SMARCC2: variants seen among roughly 807,000 people sequenced by gnomAD.
SMARCC2 encodes the protein SWI/SNF related BAF chromatin remodeling complex subunit C2, also known as SWI/SNF complex subunit SMARCC2.
A neutral mutation model predicts 151.3 loss-of-function variants in SMARCC2; 15 were observed. That is an observed-to-expected ratio of 0.10 (90% CI 0.07 to 0.15). SMARCC2 has a LOEUF of 0.15. Among genes scored for constraint, SMARCC2 ranks in the 10% least tolerant of loss-of-function variants. SMARCC2 has a pLI of 1.00. For missense variants in SMARCC2, 1,031 were observed against 1,599.7 expected (o/e 0.64, Z 6.06); for synonymous variants, 590 against 609.5 (o/e 0.97, Z 0.47).
rs111541762 is a variant in SMARCC2, at chr12:56,184,100, C to G, written c.562+75G>C. The stretch of plus-strand genomic sequence containing the variant: ...TGAAAGAAGAGGAGGAGCCCAGGTA[C>G]TGAATGGTGATCTTAGTCCTCTGCC... On this transcript the variant is annotated intron_variant, in intron 6 of 28. Transcript: ENST00000550164. 1.7e-3 allele frequency: 1,991 copies of G among 1,194,086 alleles called. 32 individuals carry two copies. In the African/African-American group the frequency reaches 0.027, roughly 16 times the overall value. The allele number at this position is 1,194,086 out of a possible 1,614,324, so 74.0% of individuals were successfully genotyped here.
chr12:56,164,594 C>CAGGAGGAGG lies in SMARCC2; in HGVS notation c.3361_3369dup (p.Pro1121_Pro1123dup). On this transcript the variant is annotated inframe_insertion, in exon 28 of 29. Coordinates refer to ENST00000550164, the MANE Select transcript of SMARCC2 (RefSeq NM_001330288.2). ...CTACCAAATGGGATGATGGATGGAG[C>CAGGAGGAGG]AGGAGGAGGAGGAGGAGGCGGCATG... The CAGGAGGAGG allele has an allele frequency of 6.2e-7, 1 of 1,612,750 alleles. No individual in the cohort carries two copies. The highest frequency in any genetic ancestry group is 8.5e-7 in the Non-Finnish European group (1 of 1,179,224).
intron 5 of SMARCC2, chr12:56,184,633 C>T: frequency 1.7e-6 from 1 of 579,890 alleles, no homozygotes; most frequent in East Asian, 2.9e-5. Flanking sequence ...AACATAGTCT[C>T]TAGAACAGTA....
In SMARCC2 at chr12:56,186,257, C is replaced by G. The variant is rs765495990; in HGVS notation, c.232-17G>C. ...ACATTTGATCTACAAAATCAAGATA[C>G]GGAAAAAGCATGTCAAGGTTCCACT... On this transcript the variant is annotated splice_polypyrimidine_tract_variant and intron_variant, in intron 2 of 28. Coordinates refer to ENST00000550164, the MANE Select transcript of SMARCC2 (RefSeq NM_001330288.2). 6.6e-7 allele frequency: 1 copy of G among 1,522,760 alleles called. No homozygotes were observed. Among genetic ancestry groups the G allele is most frequent in the Non-Finnish European group, 9.1e-7 (1 of 1,097,480 alleles). 94.3% of individuals were successfully genotyped at this position (1,522,760 alleles called of 1,614,324 possible).
chr12:56,169,308 C>A (rs1484240094), intron 25 of SMARCC2, among the ~76,000 whole-genome samples: 1 of 152,166 alleles, frequency 6.6e-6, no homozygotes, highest in African/African-American at 2.4e-5. Context: ...CAAAGGGTAA[C>A]ATGGAGTCAA....
In SMARCC2 at chr12:56,173,855, CAG is replaced by C. The variant is rs1266786521; in HGVS notation, c.1497-8_1497-7del. 3.7e-6 allele frequency: 6 copies of C among 1,609,242 alleles called. No homozygotes were observed. The Admixed American group carries it at 5.0e-5, about 14-fold the overall frequency. On this transcript the variant is annotated splice_polypyrimidine_tract_variant and splice_region_variant and intron_variant, in intron 16 of 28. Coordinates refer to ENST00000550164, the MANE Select transcript of SMARCC2 (RefSeq NM_001330288.2). ...GTTCTAGGAAGGCATGGACCCTGTGCAGAGAGAGGCAGAGACAGGGTCACACG... is the reference window on the plus strand; with the variant it reads ...GTTCTAGGAAGGCATGGACCCTGTGCAGAGAGGCAGAGACAGGGTCACACG...
intron 16 of SMARCC2, 149 bp downstream of exon 16, chr12:56,174,502 C>G (rs1156823047): frequency 1.6e-6 from 1 of 606,094 alleles, no homozygotes; most frequent in Non-Finnish European, 3.0e-6. Flanking sequence ...TCAAGTCATT[C>G]ATTCCCCAAA....
intron 28 of SMARCC2, 91 bp downstream of exon 28, chr12:56,164,212 T>C: frequency 2.6e-6 from 3 of 1,172,214 alleles, no homozygotes; most frequent in Non-Finnish European, 3.6e-6. Flanking sequence ...GTGGAAACTC[T>C]AATACCTGAC....
rs1174488568 is a variant in SMARCC2 at position 56,164,918 on chromosome 12, G to C, written c.3233-187C>G. Reference sequence around the variant, plus strand: ...ATCTCCTGCCTCAGCCTCCCGAGTAGCTGGTACTACATGTACGCACCACCA... The same window carrying C: ...ATCTCCTGCCTCAGCCTCCCGAGTACCTGGTACTACATGTACGCACCACCA... On this transcript the variant is annotated intron_variant, in intron 27 of 28. Coordinates refer to ENST00000550164, the MANE Select transcript of SMARCC2 (RefSeq NM_001330288.2). 2.6e-5 allele frequency among the ~76,000 whole-genome samples: 4 copies of C among 152,078 alleles called. No homozygotes were observed. The East Asian group carries it at 7.7e-4, about 29-fold the overall frequency.
At position 56,178,005 on chromosome 12, in the gene SMARCC2, A is replaced by T; in HGVS notation, c.1382+17T>A. ...GACAGGAGGGAGAAGGAGAATCATG[A>T]GATGAGATTTCCTTACATCTCTGGA... On this transcript the variant is annotated intron_variant, in intron 15 of 28. Coordinates refer to ENST00000550164, the MANE Select transcript of SMARCC2 (RefSeq NM_001330288.2). The T allele has an allele frequency of 6.4e-7, 1 of 1,554,052 alleles. No homozygotes were observed. The highest frequency in any genetic ancestry group is 8.9e-7 in the Non-Finnish European group (1 of 1,128,256).
At chr12:56,179,867 C>T (rs1875791845) in intron 11 of SMARCC2, among the ~76,000 whole-genome samples, 2 of 151,596 alleles carry the variant, frequency 1.3e-5, no homozygotes, top group South Asian at 2.1e-4. Flanking sequence ...TTGTATTTTT[C>T]GTAAAGATGG....
At position 56,165,351 on chromosome 12, in the gene SMARCC2, C is replaced by T; in HGVS notation, c.3199G>A (p.Val1067Ile). 1 of 1,500,604 alleles carries T rather than the reference C, an allele frequency of 6.7e-7. No individual in the cohort carries two copies. Among genetic ancestry groups the T allele is most frequent in the Non-Finnish European group, 8.9e-7 (1 of 1,127,772 alleles). The allele number at this position is 1,500,604 out of a possible 1,614,324, so 93.0% of individuals were successfully genotyped here. Reference sequence around the variant, plus strand: ...CCAGGGGGGGGAACCCCTGGTGGGACTGCCCCAGGCTGGGGGGCTCCAGCT... The same window carrying T: ...CCAGGGGGGGGAACCCCTGGTGGGATTGCCCCAGGCTGGGGGGCTCCAGCT... ...QPAGAPQPGA[V>I]PPGVPPPGPH... Residue 1067 changes from valine to isoleucine, a missense_variant, in exon 27 of 29, where the codon GTC becomes ATC. Around this residue, in one of 12 missense-constraint regions of SMARCC2, gnomAD observed 310 missense variants for 350.0 expected, o/e 0.89. Transcript: ENST00000550164.
At chr12:56,185,399 T>C in intron 3 of SMARCC2, 1 of 342,600 alleles carries the variant, frequency 2.9e-6, no homozygotes, top group Non-Finnish European at 5.6e-6. Flanking sequence ...GTCAAACTGG[T>C]CTTGAACTCC....
chr12:56,181,496 T>C lies in SMARCC2; in HGVS notation c.942A>G (p.Lys314=). The C allele has an allele frequency of 6.5e-7, 1 of 1,539,122 alleles. No individual in the cohort carries two copies. The highest frequency in any genetic ancestry group is 1.4e-5 in the African/African-American group (1 of 72,170). Residue 314 remains lysine (K), a synonymous_variant, in exon 10 of 29, where the codon AAA becomes AAG. Transcript: ENST00000550164. ...GGCTGGCACACCCTTTCTTAGCATT[T>C]TTCTTCTTTGCTTCTGGGGTTGGTG... The part of the protein sequence containing the change: ...SPSPTPEAKK[K]NAKKGPSTPY...
At chr12:56,185,264 T>G (rs1392169806) in intron 3 of SMARCC2, 153 bp from the exon 4 acceptor site, 1 of 623,472 alleles carries the variant, frequency 1.6e-6, no homozygotes, top group Non-Finnish European at 2.9e-6. Context: ...CTGCAACCTC[T>G]GCCTCCCAGG....
rs944617454 is a variant in SMARCC2 at position 56,184,132 on chromosome 12, T to A, written c.562+43A>T. ...GTGATCTTAGTCCTCTGCCTCCTAG[T>A]CCAAACCATCCACTCAAGTGGACAG... On this transcript the variant is annotated intron_variant, in intron 6 of 28. Transcript: ENST00000550164. The A allele has an allele frequency of 1.0e-5, 15 of 1,466,548 alleles. No individual in the cohort carries two copies. The Middle Eastern group carries it at 5.7e-4, about 55-fold the overall frequency. 90.8% of individuals were successfully genotyped at this position (1,466,548 alleles called of 1,614,324 possible). A position where few individuals can be genotyped will look rare whatever the true frequency, so the allele number is the denominator to read the frequency against.
chr12:56,170,512 A>C (rs1873736110), intron 22 of SMARCC2, among the ~76,000 whole-genome samples: 1 of 149,624 alleles, frequency 6.7e-6, no homozygotes, highest in Non-Finnish European at 1.5e-5. Flanking sequence ...TGCAGCCTTG[A>C]CTTCCCAGGC....
At chr12:56,177,662 A>G (rs537480582) in intron 15 of SMARCC2, among the ~76,000 whole-genome samples, 1 of 151,544 alleles carries the variant, frequency 6.6e-6, no homozygotes, top group East Asian at 1.9e-4. Flanking sequence ...CAGCCTGGTA[A>G]TAGTAATTTA....
intron 26 of SMARCC2, among the ~76,000 whole-genome samples, chr12:56,167,062 C>CA (rs775299815): frequency 0.081 from 5,724 of 70,438 alleles, 287 homozygotes; most frequent in African/African-American, 0.2. Flanking sequence ...GACTCCATCT[C>CA]AAAAAAAAAA....
At chr12:56,179,599 G>A (rs1375039514) in intron 11 of SMARCC2, among the ~76,000 whole-genome samples, 4 of 152,206 alleles carry the variant, frequency 2.6e-5, no homozygotes, top group East Asian at 1.9e-4. Context: ...TATTGGTGGA[G>A]CAATGTCTCC....
Sources: gnomAD v4.1 joint callset for allele counts (sites outside exome capture counted in the v4.1 genomes callset) on GRCh38, gnomAD v4.1.1 for gene constraint, gnomAD v4.1.1 regional missense constraint, MANE v1.5 for transcripts, NCBI Gene and HGNC (gene_info 2026-07-23, HGNC 2026-07-21) for gene names.